Variants in KPNA2 observed in about 807,000 individuals in gnomAD.
The protein encoded by KPNA2 is importin subunit alpha-1.
A neutral mutation model predicts 53.7 loss-of-function variants in KPNA2; 20 were observed. The observed-to-expected ratio is 0.37, with a 90% CI of 0.26 to 0.54. The LOEUF (loss-of-function observed/expected upper bound fraction) is 0.54. KPNA2 is among the 20% of genes least tolerant of loss of function. The pLI is 0.83. For missense variants in KPNA2, 515 were observed against 640.3 expected (o/e 0.80, Z 2.11); for synonymous variants, 238 against 227.5 (o/e 1.05, Z -0.42).
At chr17:68,043,463 G>T (rs1233178124) in intron 7 of KPNA2, 100 bp downstream of exon 7, 78 of 1,183,940 alleles carry the variant, frequency 6.6e-5, no homozygotes, top group Middle Eastern at 6.0e-4. Flanking sequence ...CAGCACTTTG[G>T]GAGACCAAGG....
At chr17:68,038,268 C>T (rs183657759) in intron 3 of KPNA2, among the ~76,000 whole-genome samples, 54 of 152,276 alleles carry the variant, frequency 3.5e-4, no homozygotes, top group East Asian at 2.5e-3. Flanking sequence ...AGCCACTGCC[C>T]GGCCTGTTTT....
At position 68,043,163 on chromosome 17, in the gene KPNA2, C is replaced by G; in HGVS notation, c.730C>G (p.Pro244Ala). ...TCTTTGCCGCAACAAGAATCCTGCA[C>G]CCCCGATAGATGCTGTTGAGCAGAT... The part of the protein sequence containing the change: ...SNLCRNKNPA[P>A]PIDAVEQILP... The change falls in exon 7 of 11, where the codon CCC becomes GCC. Residue 244 changes from proline to alanine, a missense_variant. Physicochemically the swap from Pro to Ala is conservative, Grantham distance 27. Coordinates refer to ENST00000330459, the MANE Select transcript of KPNA2 (RefSeq NM_002266.4). 6.2e-7 allele frequency: 1 copy of G among 1,614,094 alleles called. No individual in the cohort carries two copies. The highest frequency in any genetic ancestry group is 8.5e-7 in the Non-Finnish European group (1 of 1,179,986).
Position 68,039,617 on chromosome 17 carries a change from C to G in KPNA2, c.214-1061C>G, listed in dbSNP as rs565309332. On this transcript the variant is annotated intron_variant, in intron 3 of 10. Coordinates refer to ENST00000330459, the MANE Select transcript of KPNA2 (RefSeq NM_002266.4). ...CCAACATGGAGAAACTCCATCTCTACTAAAAATACAAAATTAGCTGGGCAT... is the reference window on the plus strand; with the variant it reads ...CCAACATGGAGAAACTCCATCTCTAGTAAAAATACAAAATTAGCTGGGCAT... 1.3e-4 allele frequency among the ~76,000 whole-genome samples: 20 copies of G among 150,498 alleles called. No individual in the cohort carries two copies. The South Asian group carries it at 2.5e-3, about 19-fold the overall frequency.
At position 68,043,298 on chromosome 17, in the gene KPNA2, G is replaced by A. The variant is rs1224653642; in HGVS notation, c.865G>A (p.Val289Met). 6.2e-7 allele frequency: 1 copy of A among 1,614,168 alleles called. No homozygotes were observed. The highest frequency in any genetic ancestry group is 8.5e-7 in the Non-Finnish European group (1 of 1,180,016). Residue 289 changes from valine to methionine, a missense_variant, in exon 7 of 11, where the codon GTG (valine) becomes ATG (methionine). By Grantham distance (21) the Val-to-Met change is conservative. Transcript: ENST00000330459. ...TDGPNERIGM[V>M]VKTGVVPQLV... ...TGGTCCAAATGAACGAATTGGCATG[G>A]TGGTGAAAACAGGAGTTGTGCCCCA...
rs782243176 is a variant in KPNA2, at chr17:68,039,918, CA to C, written c.214-748del. ...AGAAACCCCGTCTCTACTAAAAATACAAAAAAAAAAAATTAGCCAGGCATGG... is the reference window on the plus strand; with the variant it reads ...AGAAACCCCGTCTCTACTAAAAATACAAAAAAAAAAATTAGCCAGGCATGG... On this transcript the variant is annotated intron_variant, in intron 3 of 10. Transcript: ENST00000330459. 3.2e-3 allele frequency among the ~76,000 whole-genome samples: 444 copies of C among 137,896 alleles called. 5 individuals are homozygous for C. Among genetic ancestry groups the C allele is most frequent in the African/African-American group, 8.5e-3 (324 of 37,988 alleles). 90.5% of individuals were successfully genotyped at this position (137,896 alleles called of 152,430 possible).
Position 68,043,111 on chromosome 17 carries a change from A to T in KPNA2, c.678A>T (p.Leu226Phe), listed in dbSNP as rs1555704866. ...TTTTTTTCCCCCAGTGTGGCTACTT[A>T]CGTAATCTTACCTGGACACTTTCTA... is the stretch of plus-strand genomic sequence containing the variant. The part of the protein sequence containing the change: ...PDMSSLACGY[L>F]RNLTWTLSNL... Residue 226 changes from leucine (L) to phenylalanine (F), a missense_variant, in exon 7 of 11, where the codon TTA (leucine) becomes TTT (phenylalanine). Physicochemically the swap from Leu to Phe is conservative, Grantham distance 22. Coordinates refer to ENST00000330459, the MANE Select transcript of KPNA2 (RefSeq NM_002266.4). 3 of 1,614,032 alleles carry T rather than the reference A, an allele frequency of 1.9e-6. No homozygotes were observed. In the South Asian group the frequency reaches 3.3e-5, roughly 18 times the overall value.
chr17:68,041,276 G>A (rs949607769), intron 4 of KPNA2, among the ~76,000 whole-genome samples: 1 of 152,190 alleles, frequency 6.6e-6, no homozygotes, highest in South Asian at 2.1e-4. Flanking sequence ...TCATTAAAAA[G>A]TTCTAGGCTG....
chr17:68,043,892 C>T lies in KPNA2; in HGVS notation c.985C>T (p.Gln329Ter), dbSNP rs2071295448. The T allele has an allele frequency of 6.2e-7, 1 of 1,613,496 alleles. No homozygotes were observed. The change falls in exon 8 of 11, where the codon CAG becomes TAG. Residue 329 changes from glutamine to a stop codon, truncating the protein, a stop_gained. Coordinates refer to ENST00000330459, the MANE Select transcript of KPNA2 (RefSeq NM_002266.4). LOFTEE classifies it high-confidence loss of function. The stretch of plus-strand genomic sequence containing the variant: ...TGTCACTGGTACAGATGAACAGACT[C>T]AGGTTGTGATTGATGCAGGAGCACT... ...NIVTGTDEQT[Q>*]VVIDAGALAV...
Position 68,044,086 on chromosome 17 carries a change from G to T in KPNA2, c.1164+15G>T, listed in dbSNP as rs782193266. The T allele has an allele frequency of 6.3e-7, 1 of 1,580,334 alleles. No individual in the cohort carries two copies. The highest frequency in any genetic ancestry group is 8.7e-7 in the Non-Finnish European group (1 of 1,149,682). ...TTCTCTCTAAGGTAACGAAGTCTTA[G>T]GATTTAATCAAGTCATTTTTAGTAT... On this transcript the variant is annotated intron_variant, in intron 8 of 10. Coordinates refer to ENST00000330459, the MANE Select transcript of KPNA2 (RefSeq NM_002266.4).
intron 9 of KPNA2, chr17:68,045,456 A>C: frequency 4.5e-6 from 1 of 224,444 alleles, no homozygotes. Context: ...CTGTTCCCAT[A>C]GCAGACCAGT....
chr17:68,039,138 T>C (rs2071223440), intron 3 of KPNA2, among the ~76,000 whole-genome samples: 1 of 152,110 alleles, frequency 6.6e-6, no homozygotes, highest in African/African-American at 2.4e-5. Context: ...TTTTTTGTTT[T>C]GAGACAAAAC....
chr17:68,039,340 C>T (rs968472229), intron 3 of KPNA2, among the ~76,000 whole-genome samples: 33 of 151,558 alleles, frequency 2.2e-4, no homozygotes, highest in Non-Finnish European at 4.6e-4. Context: ...AGTCTGGTCT[C>T]GAACTCCTGA....
At chr17:68,039,030 A>C (rs782725539) in intron 3 of KPNA2, among the ~76,000 whole-genome samples, 1 of 152,128 alleles carries the variant, frequency 6.6e-6, no homozygotes. Flanking sequence ...TCCCTACTCT[A>C]TGAAGGCCTT....
At chr17:68,036,371 C>G (rs2071190394) in intron 1 of KPNA2, 2 of 152,280 alleles carry the variant, frequency 1.3e-5, no homozygotes. Context: ...CACTCCTAGT[C>G]TCTGGAAATG....
At position 68,043,364 on chromosome 17, in the gene KPNA2, G is replaced by A. The variant is rs1555704942; in HGVS notation, c.930+1G>A. On this transcript the variant is annotated splice_donor_variant, in intron 7 of 10. Transcript: ENST00000330459. LOFTEE classifies it high-confidence loss of function. ...AGGAGCTTCTGAATTGCCAATTGTG[G>A]TAAGTTATTTACTTGTAGATTAGGA... is the stretch of plus-strand genomic sequence containing the variant. 6.2e-7 allele frequency: 1 copy of A among 1,613,836 alleles called. No individual in the cohort carries two copies. Among genetic ancestry groups the A allele is most frequent in the South Asian group, 1.1e-5 (1 of 91,072 alleles).
At chr17:68,038,363 C>G (rs1478098171) in intron 3 of KPNA2, among the ~76,000 whole-genome samples, 1 of 152,150 alleles carries the variant, frequency 6.6e-6, no homozygotes, top group Non-Finnish European at 1.5e-5. Context: ...GCCTTGGTCT[C>G]CAGAAGTGCT....
intron 3 of KPNA2, among the ~76,000 whole-genome samples, chr17:68,039,684 G>A (rs143043978): frequency 0.031 from 4,673 of 151,714 alleles, 106 homozygotes; most frequent in Middle Eastern, 0.054. Context: ...GGAGGCTGTG[G>A]CAGGAGAATC....
intron 3 of KPNA2, among the ~76,000 whole-genome samples, chr17:68,038,940 G>T (rs903378323): frequency 2.0e-5 from 3 of 152,082 alleles, no homozygotes; most frequent in Non-Finnish European, 4.4e-5. Flanking sequence ...ACTTGAGCCC[G>T]GGATTTTGAG....
rs1555703945 is a variant in KPNA2, at chr17:68,037,467, C to T, written c.185C>T (p.Ser62Phe). 2 of 1,613,344 alleles carry T rather than the reference C, an allele frequency of 1.2e-6. No individual in the cohort carries two copies. The highest frequency in any genetic ancestry group is 3.3e-5 in the Admixed American group (2 of 59,790). ...AGCTCATTTCCTGATGATGCTACTT[C>T]TCCGCTGCAGGAAAACCGCAACAAC... Reference protein sequence around the residue: ...NVSSFPDDATSPLQENRNNQG... With the variant: ...NVSSFPDDATFPLQENRNNQG... Residue 62 changes from serine to phenylalanine, a missense_variant, in exon 3 of 11, where the codon TCT becomes TTT. Physicochemically the swap from Ser to Phe is radical, Grantham distance 155. Coordinates refer to ENST00000330459, the MANE Select transcript of KPNA2 (RefSeq NM_002266.4).
Sources: allele counts gnomAD v4.1 joint callset (sites outside exome capture counted in the v4.1 genomes callset), GRCh38; gene constraint gnomAD v4.1.1; transcripts MANE v1.5; gene names NCBI Gene and HGNC (gene_info 2026-07-23, HGNC 2026-07-21).